The following ADGRB3 variants were observed in gnomAD, a reference collection of about 807,000 sequenced individuals.
ADGRB3 encodes the protein brain-specific angiogenesis inhibitor 3.
In ADGRB3, 37 loss-of-function variants were observed where a neutral mutation model predicts 193.4. The ratio of observed to expected loss-of-function variants is 0.19; its 90% CI spans 0.15 to 0.25. ADGRB3 has a LOEUF of 0.25. Ranked by LOEUF, ADGRB3 falls within the 10% of genes least tolerant of loss-of-function variation. The pLI is 1.00. For missense variants in ADGRB3, 1,637 were observed against 1,852.9 expected, an observed-to-expected ratio of 0.88 and a Z score of 2.14; for synonymous variants, 690 against 644.2, an observed-to-expected ratio of 1.07 and a Z score of -1.08.
chr6:69,355,843 A>G lies in ADGRB3; in HGVS notation c.3578A>G (p.Asp1193Gly), dbSNP rs1561997376. 6.2e-7 allele frequency: 1 copy of G among 1,608,122 alleles called. No homozygotes were observed. The highest frequency in any genetic ancestry group is 2.2e-5 in the East Asian group (1 of 44,764). The change falls in exon 28 of 32, where the codon GAC becomes GGC. Residue 1193 changes from aspartate (D) to glycine (G), a missense_variant. By Grantham distance (94) the Asp-to-Gly change is moderately conservative. Transcript: ENST00000370598. ...QIMTDFEKDVDIACRSVLHKD... is the reference protein window; with the variant it reads ...QIMTDFEKDVGIACRSVLHKD... ...CAGACAGACTTTGAAAAGGATGTAGACATTGCCTGTCGATCAGGTAAGAAT... is the reference window on the plus strand; with the variant it reads ...CAGACAGACTTTGAAAAGGATGTAGGCATTGCCTGTCGATCAGGTAAGAAT...
chr6:69,199,607 A>G (rs1373523472), intron 17 of ADGRB3, among the ~76,000 whole-genome samples: 1 of 152,124 alleles, frequency 6.6e-6, no homozygotes, highest in Non-Finnish European at 1.5e-5. Context: ...CTTTCTGAGA[A>G]AGAAAAGTAT....
chr6:69,107,094 A>G (rs796895532), intron 17 of ADGRB3, among the ~76,000 whole-genome samples: 9 of 152,336 alleles, frequency 5.9e-5, no homozygotes, highest in African/African-American at 2.2e-4. Context: ...AAAAAAGTCT[A>G]AGTAAATCTG....
intron 20 of ADGRB3, among the ~76,000 whole-genome samples, chr6:69,287,407 T>C (rs1373983207): frequency 6.6e-6 from 1 of 152,178 alleles, no homozygotes; most frequent in African/African-American, 2.4e-5. Flanking sequence ...TACACCAATG[T>C]TCAACACCAT....
intron 3 of ADGRB3, among the ~76,000 whole-genome samples, chr6:68,730,458 A>T (rs1389886437): frequency 3.3e-5 from 5 of 151,694 alleles, no homozygotes; most frequent in Non-Finnish European, 7.4e-5. Context: ...CATCTAATAA[A>T]GTTGATGACT....
intron 3 of ADGRB3, among the ~76,000 whole-genome samples, chr6:68,847,493 C>A (rs1224513140): frequency 6.6e-6 from 1 of 152,088 alleles, no homozygotes; most frequent in Non-Finnish European, 1.5e-5. Flanking sequence ...ATCATTGTTG[C>A]CGGTTTTTCT....
chr6:69,350,027 A>G (rs1241124879), intron 26 of ADGRB3, among the ~76,000 whole-genome samples: 1 of 152,212 alleles, frequency 6.6e-6, no homozygotes, highest in African/African-American at 2.4e-5. Flanking sequence ...AGACCAGTCC[A>G]GAAGCTCTCA....
chr6:68,938,440 G>GTATA (rs59120080), intron 5 of ADGRB3, among the ~76,000 whole-genome samples: 1,781 of 144,570 alleles, frequency 0.012, 14 homozygotes, highest in East Asian at 0.02. Flanking sequence ...ATATTTTGAG[G>GTATA]TATATATATA....
At chr6:68,810,975 C>A (rs1228529225) in intron 3 of ADGRB3, among the ~76,000 whole-genome samples, 1 of 152,036 alleles carries the variant, frequency 6.6e-6, no homozygotes, top group Non-Finnish European at 1.5e-5. Context: ...AAAAACTCAT[C>A]TGCTTTATGA....
At chr6:68,924,838 A>AT (rs1459168180) in intron 3 of ADGRB3, among the ~76,000 whole-genome samples, 1 of 151,892 alleles carries the variant, frequency 6.6e-6, no homozygotes, top group Non-Finnish European at 1.5e-5. Flanking sequence ...AATCTCTTAA[A>AT]TGTTAATGAT....
chr6:68,882,512 G>A (rs1226628615), intron 3 of ADGRB3, among the ~76,000 whole-genome samples: 3 of 152,092 alleles, frequency 2.0e-5, no homozygotes, highest in Non-Finnish European at 2.9e-5. Flanking sequence ...TCATCTCAAA[G>A]GTTTTAAAAG....
intron 3 of ADGRB3, among the ~76,000 whole-genome samples, chr6:68,745,544 A>G (rs1582167149): frequency 6.6e-6 from 1 of 152,128 alleles, no homozygotes. Flanking sequence ...ATTTAAAAAT[A>G]ATTAGTAAAG....
intron 3 of ADGRB3, among the ~76,000 whole-genome samples, chr6:68,917,544 G>T (rs892930551): frequency 2.0e-5 from 3 of 151,994 alleles, no homozygotes; most frequent in African/African-American, 4.8e-5. Context: ...ATTTCTGTTA[G>T]AATCTATGTG....
rs1470715999 is a variant in ADGRB3 at position 68,712,707 on chromosome 6, A to G, written c.757+73275A>G. On this transcript the variant is annotated intron_variant, in intron 3 of 31. Coordinates refer to ENST00000370598, the MANE Select transcript of ADGRB3 (RefSeq NM_001704.3). ...GATCATGGATGTTGAGACCAGTTGA[A>G]TGGATTTTGCTTTCCCTGTTTACTT... 6.6e-5 allele frequency among the ~76,000 whole-genome samples: 10 copies of G among 151,898 alleles called. 1 individual carries two copies. The highest frequency in any genetic ancestry group is 1.5e-4 in the Non-Finnish European group (10 of 67,896).
intron 26 of ADGRB3, among the ~76,000 whole-genome samples, chr6:69,346,700 A>G (rs565751188): frequency 1.3e-5 from 2 of 152,196 alleles, no homozygotes; most frequent in Non-Finnish European, 2.9e-5. Context: ...AAGTCAGGAA[A>G]CAACAGATGC....
At chr6:69,093,972 C>G (rs1457206145) in intron 17 of ADGRB3, among the ~76,000 whole-genome samples, 2 of 152,014 alleles carry the variant, frequency 1.3e-5, no homozygotes, top group East Asian at 3.8e-4. Flanking sequence ...AAAAATATAA[C>G]CTTAAGGTAG....
intron 20 of ADGRB3, among the ~76,000 whole-genome samples, chr6:69,255,121 G>A (rs1473065247): frequency 1.3e-5 from 2 of 151,830 alleles, no homozygotes; most frequent in East Asian, 1.9e-4. Flanking sequence ...TGGACATTTG[G>A]GTTGGTTCCA....
chr6:69,119,107 C>T (rs1773614792), intron 17 of ADGRB3, among the ~76,000 whole-genome samples: 3 of 152,168 alleles, frequency 2.0e-5, no homozygotes, highest in Admixed American at 6.5e-5. Flanking sequence ...TCCAGTTTTT[C>T]ACTGTCATGG....
At chr6:68,835,771 T>A (rs1582240556) in intron 3 of ADGRB3, among the ~76,000 whole-genome samples, 1 of 152,208 alleles carries the variant, frequency 6.6e-6, no homozygotes, top group African/African-American at 2.4e-5. Flanking sequence ...CTGGTTTTTT[T>A]CTCATATTTT....
chr6:68,811,542 C>T (rs1027693735), intron 3 of ADGRB3, among the ~76,000 whole-genome samples: 28 of 152,072 alleles, frequency 1.8e-4, no homozygotes, highest in African/African-American at 6.5e-4. Context: ...GATCTCGGCT[C>T]ATTGCAGCCT....
Sources: gnomAD v4.1 joint callset for allele counts (sites outside exome capture counted in the v4.1 genomes callset) on GRCh38, gnomAD v4.1.1 for gene constraint, MANE v1.5 for transcripts, NCBI Gene and HGNC (gene_info 2026-07-23, HGNC 2026-07-21) for gene names.